The following MED12L variants were observed in gnomAD, a reference collection of about 807,000 sequenced individuals.
MED12L encodes the protein mediator of RNA polymerase II transcription subunit 12-like protein.
Under a neutral mutation model 281.3 loss-of-function variants are expected in MED12L, and 60 were observed. The ratio of observed to expected loss-of-function variants is 0.21; its 90% confidence interval spans 0.17 to 0.26. The LOEUF (loss-of-function observed/expected upper bound fraction) is 0.26. Ranked by LOEUF, MED12L falls within the 10% of genes least tolerant of loss-of-function variation. The pLI is 1.00. For synonymous variants in MED12L, 974 were observed against 987.2 expected, an observed-to-expected ratio of 0.99 and a Z score of 0.25; for missense variants, 2,146 against 2,680.9, an observed-to-expected ratio of 0.80 and a Z score of 4.41.
At chr3:151,399,415 C>T (rs1424468948) in intron 39 of MED12L, among the ~76,000 whole-genome samples, 1 of 152,186 alleles carries the variant, frequency 6.6e-6, no homozygotes, top group Non-Finnish European at 1.5e-5. Context: ...TGTATAATTA[C>T]ATAAATTGCC....
chr3:151,306,232 T>C (rs1746622109), intron 16 of MED12L, among the ~76,000 whole-genome samples: 2 of 152,216 alleles, frequency 1.3e-5, no homozygotes, highest in African/African-American at 4.8e-5. Flanking sequence ...TTACTGACCA[T>C]CACTTAACCA....
intron 19 of MED12L, among the ~76,000 whole-genome samples, chr3:151,356,659 C>T (rs1753961189): frequency 6.6e-6 from 1 of 150,934 alleles, no homozygotes. Context: ...TTCTTTTGGT[C>T]TTTGTTATTT....
At chr3:151,088,861 A>T (rs995057530) in intron 2 of MED12L, among the ~76,000 whole-genome samples, 1 of 152,198 alleles carries the variant, frequency 6.6e-6, no homozygotes, top group Non-Finnish European at 1.5e-5. Context: ...TGCTTTGAGG[A>T]TGATTTATGC....
chr3:151,376,339 C>G (rs1463814128), intron 28 of MED12L, 125 bp downstream of exon 28: 2 of 765,698 alleles, frequency 2.6e-6, no homozygotes, highest in Non-Finnish European at 3.8e-6. Flanking sequence ...TATTCCCACA[C>G]ATTTTCTGTG....
chr3:151,283,590 A>T (rs1180818878), intron 16 of MED12L, among the ~76,000 whole-genome samples: 8 of 152,042 alleles, frequency 5.3e-5, no homozygotes, highest in Non-Finnish European at 1.2e-4. Context: ...TATTCTTCTG[A>T]TGTGGCCTGT....
intron 4 of MED12L, among the ~76,000 whole-genome samples, chr3:151,126,746 G>A (rs891454982): frequency 5.3e-5 from 8 of 152,182 alleles, no homozygotes; most frequent in Admixed American, 2.6e-4. Context: ...AAGCACTTTG[G>A]TTGGCATGGA....
chr3:151,378,266 G>T, intron 31 of MED12L, 93 bp downstream of exon 31: 1 of 1,255,966 alleles, frequency 8.0e-7, no homozygotes, highest in South Asian at 2.1e-5. Context: ...TGTACCCACA[G>T]TCCACTGAAA....
At position 151,165,826 on chromosome 3, in the gene MED12L, T is replaced by TTAA. The variant is rs568210807; in HGVS notation, c.1358-20_1358-19insTAA. The TTAA allele has an allele frequency of 6.0e-4, 958 of 1,606,596 alleles. 8 individuals are homozygous for TTAA. The African/African-American group carries it at 0.012, about 19-fold the overall frequency. On this transcript the variant is annotated intron_variant, in intron 10 of 44. Transcript: ENST00000687756. ...GTTATTTTTGGCCTCATTAACCACT[T>TTAA]GTTTAATTTCTGCCTATAGGGGTGA...
chr3:151,346,068 C>G (rs1752498411), intron 16 of MED12L, among the ~76,000 whole-genome samples: 1 of 152,164 alleles, frequency 6.6e-6, no homozygotes, highest in South Asian at 2.1e-4. Flanking sequence ...ATTCTCAACT[C>G]ATGACTTTGT....
At chr3:151,348,443 C>T (rs756715772) in intron 16 of MED12L, among the ~76,000 whole-genome samples, 11 of 151,822 alleles carry the variant, frequency 7.2e-5, no homozygotes, top group Admixed American at 5.9e-4. Context: ...CATTCAGATG[C>T]GCAGCCAGCT....
At chr3:151,362,066 C>T (rs568575006) in intron 21 of MED12L, among the ~76,000 whole-genome samples, 2 of 151,602 alleles carry the variant, frequency 1.3e-5, no homozygotes, top group East Asian at 3.9e-4. Context: ...ACCTCGTATC[C>T]AGTTTGTAAA....
At chr3:151,183,976 A>G (rs900117066) in intron 11 of MED12L, among the ~76,000 whole-genome samples, 5 of 152,142 alleles carry the variant, frequency 3.3e-5, no homozygotes, top group African/African-American at 9.7e-5. Context: ...TTATATTTTT[A>G]TGTTCATATA....
chr3:151,326,160 A>T (rs1474486497), intron 16 of MED12L, among the ~76,000 whole-genome samples: 2 of 152,186 alleles, frequency 1.3e-5, no homozygotes, highest in Non-Finnish European at 2.9e-5. Context: ...CAGGAGCACC[A>T]CAATTTTCAG....
chr3:151,269,783 C>T, intron 16 of MED12L: 1 of 420,244 alleles, frequency 2.4e-6, no homozygotes, highest in Non-Finnish European at 4.7e-6. Flanking sequence ...TTAGAGTCCA[C>T]TGAAGTCAAA....
At chr3:151,401,371 T>C (rs2108296809) in intron 39 of MED12L, among the ~76,000 whole-genome samples, 1 of 152,228 alleles carries the variant, frequency 6.6e-6, no homozygotes, top group Admixed American at 6.5e-5. Flanking sequence ...TACCTGAACA[T>C]GGAAATGCTG....
chr3:151,192,426 G>A (rs965433913), intron 14 of MED12L, 124 bp from the exon 15 acceptor site: 36 of 709,514 alleles, frequency 5.1e-5, no homozygotes, highest in Non-Finnish European at 7.4e-5. Context: ...AATTTGCGGG[G>A]AAGAAAACAA....
At chr3:151,413,376 C>A in intron 42 of MED12L, 81 bp downstream of exon 42, 1 of 1,468,734 alleles carries the variant, frequency 6.8e-7, no homozygotes, top group South Asian at 1.4e-5. Flanking sequence ...ATGAAAAACA[C>A]TATAGTTGTC....
At chr3:151,400,478 C>G (rs16863364) in intron 39 of MED12L, among the ~76,000 whole-genome samples, 17,285 of 152,020 alleles carry the variant, frequency 0.11, 1,324 homozygotes, top group African/African-American at 0.22. Flanking sequence ...GAATGTGTGC[C>G]CAGTTATAGC....
At position 151,376,073 on chromosome 3, in the gene MED12L, A is replaced by T. The variant is rs1307007549; in HGVS notation, c.3912A>T (p.Thr1304=). ...TAAAAGAACCTGAAAGATTATGTAC[A>T]GACAAAGAACTTATATTGGACCCTG... ...HCLKEPERLC[T]DKELILDPVL... is the part of the protein sequence containing the mutation. The change falls in exon 28 of 45, where the codon ACA becomes ACT. Residue 1304 remains threonine (T), a synonymous_variant. Transcript: ENST00000687756. 1 of 1,607,118 alleles carries T rather than the reference A, an allele frequency of 6.2e-7. No individual in the cohort carries two copies. Among genetic ancestry groups the T allele is most frequent in the African/African-American group, 1.3e-5 (1 of 74,536 alleles).
Sources: gnomAD v4.1 joint callset for allele counts (sites outside exome capture counted in the v4.1 genomes callset) on GRCh38, gnomAD v4.1.1 for gene constraint, MANE v1.5 for transcripts, NCBI Gene and HGNC (gene_info 2026-07-23, HGNC 2026-07-21) for gene names.